Variants in TSPAN2 observed in about 807,000 individuals in gnomAD.
TSPAN2 encodes the protein tetraspanin 2.
In TSPAN2, 24 loss-of-function variants were observed where a neutral mutation model predicts 33.3. That is an observed-to-expected ratio of 0.72 (90% CI 0.52 to 1.01). TSPAN2 has a LOEUF of 1.01. Ranked by LOEUF, TSPAN2 falls within the 50% of genes least tolerant of loss-of-function variation. The pLI is 0.00. For synonymous variants in TSPAN2, 114 were observed against 104.5 expected, an observed-to-expected ratio of 1.09 and a Z score of -0.56; for missense variants, 278 against 281.3, an observed-to-expected ratio of 0.99 and a Z score of 0.08.
chr1:115,054,310 T>A (rs1647305440), intron 6 of TSPAN2, among the ~76,000 whole-genome samples: 1 of 152,200 alleles, frequency 6.6e-6, no homozygotes, highest in South Asian at 2.1e-4. Context: ...TCTTCGTATT[T>A]CCTATCACAC....
chr1:115,076,516 G>C (rs1290660145), intron 1 of TSPAN2, among the ~76,000 whole-genome samples: 4 of 152,154 alleles, frequency 2.6e-5, no homozygotes, highest in African/African-American at 9.7e-5. Flanking sequence ...GGACACCAGG[G>C]GAGTGGACGT....
chr1:115,065,050 C>T (rs1647890554), intron 2 of TSPAN2, among the ~76,000 whole-genome samples: 1 of 152,200 alleles, frequency 6.6e-6, no homozygotes, highest in Non-Finnish European at 1.5e-5. Context: ...CAAAAACAAC[C>T]TGAAGCTGCC....
intron 2 of TSPAN2, among the ~76,000 whole-genome samples, chr1:115,070,261 C>T (rs1648114320): frequency 6.6e-6 from 1 of 152,102 alleles, no homozygotes; most frequent in South Asian, 2.1e-4. Context: ...ATTAGGCAGG[C>T]TTAAAAATGT....
At chr1:115,059,402 G>A (rs570087890) in intron 4 of TSPAN2, among the ~76,000 whole-genome samples, 1 of 152,328 alleles carries the variant, frequency 6.6e-6, no homozygotes, top group Admixed American at 6.5e-5. Flanking sequence ...AACCAGAACA[G>A]TTTTCATGGA....
At chr1:115,080,429 C>T (rs1281530991) in intron 1 of TSPAN2, among the ~76,000 whole-genome samples, 2 of 152,140 alleles carry the variant, frequency 1.3e-5, no homozygotes, top group Non-Finnish European at 2.9e-5. Context: ...TGTGCAACCA[C>T]ATCCAGCTAT....
chr1:115,087,759 A>G (rs1285901366), intron 1 of TSPAN2, among the ~76,000 whole-genome samples: 1 of 152,194 alleles, frequency 6.6e-6, no homozygotes, highest in Non-Finnish European at 1.5e-5. Flanking sequence ...GTATATGTAT[A>G]TCAGGACTCT....
chr1:115,072,792 C>A, intron 2 of TSPAN2, 113 bp downstream of exon 2: 2 of 901,246 alleles, frequency 2.2e-6, no homozygotes, highest in Middle Eastern at 2.3e-4. Context: ...CAGCGTCTTT[C>A]CCTGCCTCTC....
intron 1 of TSPAN2, among the ~76,000 whole-genome samples, chr1:115,088,874 A>C (rs2101053664): frequency 6.6e-6 from 1 of 152,290 alleles, no homozygotes; most frequent in Admixed American, 6.5e-5. Context: ...CATCACAGCC[A>C]GGTACAGTGT....
intron 1 of TSPAN2, among the ~76,000 whole-genome samples, chr1:115,081,381 A>G (rs1000473123): frequency 6.6e-6 from 1 of 152,178 alleles, no homozygotes; most frequent in African/African-American, 2.4e-5. Flanking sequence ...CTCTTTCCCA[A>G]TCACCATTAC....
intron 2 of TSPAN2, among the ~76,000 whole-genome samples, chr1:115,062,478 C>T (rs1647776524): frequency 6.6e-6 from 1 of 152,192 alleles, no homozygotes; most frequent in South Asian, 2.1e-4. Flanking sequence ...CTGCCCAACA[C>T]TCCGACTCTG....
intron 6 of TSPAN2, among the ~76,000 whole-genome samples, chr1:115,055,710 C>T (rs114535157): frequency 0.012 from 1,887 of 151,996 alleles, 19 homozygotes; most frequent in Non-Finnish European, 0.02. Flanking sequence ...TTTTAGTAGA[C>T]GGGATTTCAC....
At chr1:115,083,759 A>G (rs1370060855) in intron 1 of TSPAN2, among the ~76,000 whole-genome samples, 1 of 152,180 alleles carries the variant, frequency 6.6e-6, no homozygotes, top group African/African-American at 2.4e-5. Context: ...AAATAAACAG[A>G]TCCTGCTCCA....
intron 6 of TSPAN2, among the ~76,000 whole-genome samples, chr1:115,054,045 C>G (rs778918630): frequency 3.1e-4 from 47 of 152,268 alleles, no homozygotes; most frequent in Non-Finnish European, 5.9e-4. Context: ...CCTATCCTTT[C>G]ATCTGTGCCC....
At chr1:115,084,721 C>T (rs1251070989) in intron 1 of TSPAN2, among the ~76,000 whole-genome samples, 1 of 152,200 alleles carries the variant, frequency 6.6e-6, no homozygotes, top group Non-Finnish European at 1.5e-5. Context: ...GGTGATTGCT[C>T]TGAAGTTACT....
intron 1 of TSPAN2, among the ~76,000 whole-genome samples, chr1:115,075,157 A>G (rs1648353276): frequency 6.6e-6 from 1 of 152,172 alleles, no homozygotes; most frequent in Non-Finnish European, 1.5e-5. Flanking sequence ...CCCAGACAGA[A>G]TACATTTGTC....
At chr1:115,052,743 T>C (rs895220575) in intron 7 of TSPAN2, among the ~76,000 whole-genome samples, 1 of 152,220 alleles carries the variant, frequency 6.6e-6, no homozygotes, top group African/African-American at 2.4e-5. Context: ...CTTTGCCTGG[T>C]AGATTATGCA....
chr1:115,075,507 G>A (rs1292754030), intron 1 of TSPAN2, among the ~76,000 whole-genome samples: 5 of 151,954 alleles, frequency 3.3e-5, no homozygotes, highest in East Asian at 1.9e-4. Flanking sequence ...TTTTTAACTC[G>A]CCATTCCTTT....
intron 2 of TSPAN2, among the ~76,000 whole-genome samples, chr1:115,068,513 C>T (rs1648036985): frequency 6.6e-6 from 1 of 152,180 alleles, no homozygotes; most frequent in Non-Finnish European, 1.5e-5. Context: ...TTAGGACACT[C>T]TTTAACAAAG....
intron 2 of TSPAN2, among the ~76,000 whole-genome samples, chr1:115,063,633 C>T (rs930046676): frequency 5.3e-5 from 8 of 152,110 alleles, no homozygotes; most frequent in Non-Finnish European, 1.2e-4. Flanking sequence ...CTATTCACAA[C>T]GGCAAAGGTA....
Sources: gnomAD v4.1 joint callset for allele counts (sites outside exome capture counted in the v4.1 genomes callset) on GRCh38, gnomAD v4.1.1 for gene constraint, MANE v1.5 for transcripts, NCBI Gene and HGNC (gene_info 2026-07-23, HGNC 2026-07-21) for gene names.